CNOT10: variants seen among roughly 807,000 people sequenced by gnomAD.
The protein encoded by CNOT10 is CCR4-NOT transcription complex subunit 10, also known as CCR4-NOT transcription complex, subunit 10.
CNOT10 carries 30 observed loss-of-function variants against 94.6 expected under a neutral mutation model. The observed-to-expected ratio is 0.32, with a 90% CI of 0.24 to 0.43. The LOEUF is 0.43. Ranked by LOEUF, CNOT10 falls within the 20% of genes least tolerant of loss-of-function variation. The pLI, the probability that CNOT10 is intolerant of heterozygous loss-of-function variation, is 1.00. For missense variants in CNOT10, 759 were observed against 877.2 expected (o/e 0.87, Z 1.70); for synonymous variants, 289 against 301.6 (o/e 0.96, Z 0.43).
At position 32,726,694 on chromosome 3, in the gene CNOT10, C is replaced by CATAATA. The variant is rs55674577; in HGVS notation, c.1013-942_1013-937dup. 6.5e-3 allele frequency among the ~76,000 whole-genome samples: 917 copies of CATAATA among 141,760 alleles called. 6 individuals are homozygous for CATAATA. Among genetic ancestry groups the CATAATA allele is most frequent in the Middle Eastern group, 0.022 (6 of 278 alleles). The allele number at this position is 141,760 out of a possible 152,430, so 93.0% of individuals were successfully genotyped here. ...CTGGGTGACAGAGCGAGACTCTGTC[C>CATAATA]ATAATAATAATAATAATAATAATAA... On this transcript the variant is annotated intron_variant, in intron 9 of 18. Coordinates refer to ENST00000328834, the MANE Select transcript of CNOT10 (RefSeq NM_015442.3).
chr3:32,723,391 C>CA lies in CNOT10; in HGVS notation c.863-2045dup, dbSNP rs1192223954. Among the ~76,000 whole-genome samples, 432 of 80,096 alleles carry CA rather than the reference C, an allele frequency of 5.4e-3. 1 individual carries two copies. The highest frequency in any genetic ancestry group is 0.016 in the Middle Eastern group (2 of 126). 52.5% of individuals were successfully genotyped at this position (80,096 alleles called of 152,430 possible). The stretch of plus-strand genomic sequence containing the variant: ...TGGGCGACAGAGTGAGACTCCGTCT[C>CA]AAAAAAAAAAAAAAGAAAAGAGAAT... On this transcript the variant is annotated intron_variant, in intron 8 of 18. Transcript: ENST00000328834.
At chr3:32,716,056 C>T (rs983521338) in intron 5 of CNOT10, 169 bp from the exon 6 acceptor site, 1 of 451,822 alleles carries the variant, frequency 2.2e-6, no homozygotes, top group African/African-American at 2.0e-5. Context: ...ATCCGCCCGC[C>T]TCTGCCTTCC....
intron 13 of CNOT10, among the ~76,000 whole-genome samples, chr3:32,747,644 T>G (rs1699757790): frequency 6.6e-6 from 1 of 151,648 alleles, no homozygotes; most frequent in African/African-American, 2.4e-5. Context: ...GTCAGCCTCC[T>G]GGATAACTAA....
chr3:32,753,274 A>G (rs1700044549), intron 13 of CNOT10: 4 of 838,670 alleles, frequency 4.8e-6, no homozygotes, highest in East Asian at 2.5e-5. Context: ...AAAGATGTCA[A>G]GAAGCTCAGA....
At chr3:32,730,458 T>C (rs1698892686) in intron 10 of CNOT10, among the ~76,000 whole-genome samples, 1 of 152,114 alleles carries the variant, frequency 6.6e-6, no homozygotes, top group Admixed American at 6.5e-5. Context: ...CATAACTTCA[T>C]GAACACACAC....
Position 32,716,328 on chromosome 3 carries a change from AGGG to A in CNOT10, c.660+21_660+23del. The A allele has an allele frequency of 7.7e-7, 1 of 1,300,504 alleles. No individual in the cohort carries two copies. Among genetic ancestry groups the A allele is most frequent in the Non-Finnish European group, 1.1e-6 (1 of 906,412 alleles). The allele number at this position is 1,300,504 out of a possible 1,614,324, so 80.6% of individuals were successfully genotyped here. ...ATACATCAGGTAGTATAAATTTTAA[AGGG>A]GGGCAATACATCACATATATTTAAT... On this transcript the variant is annotated intron_variant, in intron 6 of 18. Coordinates refer to ENST00000328834, the MANE Select transcript of CNOT10 (RefSeq NM_015442.3).
rs571844356 is a variant in CNOT10 at position 32,762,704 on chromosome 3, T to A, written c.1710-29T>A. ...GGGTATTTTTGTGACGTTGTACTTT[T>A]CAGTTTGGAATCTGTTTTTTCATTT... is the stretch of plus-strand genomic sequence containing the variant. On this transcript the variant is annotated intron_variant, in intron 14 of 18. Transcript: ENST00000328834. The A allele has an allele frequency of 1.6e-5, 26 of 1,579,702 alleles. No individual in the cohort carries two copies. In the South Asian group the frequency reaches 3.0e-4, roughly 18 times the overall value.
intron 13 of CNOT10, 95 bp downstream of exon 13, chr3:32,737,585 G>A (rs574888406): frequency 2.8e-5 from 20 of 718,896 alleles, no homozygotes; most frequent in Middle Eastern, 6.0e-4. Flanking sequence ...AGCACTTTGG[G>A]AGGCCGAGGC....
At chr3:32,734,759 A>G (rs766377998) in intron 11 of CNOT10, 41 bp from the exon 12 acceptor site, 1 of 1,476,430 alleles carries the variant, frequency 6.8e-7, no homozygotes, top group South Asian at 1.3e-5. Context: ...TTATTTTAAA[A>G]TATTTTATCC....
chr3:32,766,947 G>A (rs1700672421), intron 17 of CNOT10, among the ~76,000 whole-genome samples: 1 of 152,166 alleles, frequency 6.6e-6, no homozygotes, highest in East Asian at 1.9e-4. Flanking sequence ...TCATCCAGCA[G>A]ATATCTGTTG....
intron 11 of CNOT10, 86 bp from the exon 12 acceptor site, chr3:32,734,714 A>G (rs1220010512): frequency 1.8e-6 from 2 of 1,103,986 alleles, no homozygotes; most frequent in East Asian, 2.4e-5. Context: ...TTTCATTTAT[A>G]ATCAATTGGT....
chr3:32,712,168 T>TG (rs1384141782), intron 4 of CNOT10, among the ~76,000 whole-genome samples: 5 of 151,776 alleles, frequency 3.3e-5, no homozygotes, highest in East Asian at 3.9e-4. Flanking sequence ...TGTTTGTTTT[T>TG]TTTTTTTTTC....
intron 13 of CNOT10, among the ~76,000 whole-genome samples, chr3:32,738,895 C>T (rs1363504576): frequency 1.3e-5 from 2 of 150,224 alleles, no homozygotes; most frequent in East Asian, 3.9e-4. Flanking sequence ...GCAGTTATAC[C>T]TCTATTTTCT....
At chr3:32,768,583 C>T (rs1320532934) in intron 17 of CNOT10, among the ~76,000 whole-genome samples, 2 of 146,846 alleles carry the variant, frequency 1.4e-5, no homozygotes, top group African/African-American at 2.6e-5. Context: ...AACTCCGTCT[C>T]AAAAAAAAAA....
intron 7 of CNOT10, among the ~76,000 whole-genome samples, chr3:32,717,497 A>G (rs553371772): frequency 3.3e-5 from 5 of 151,630 alleles, no homozygotes; most frequent in African/African-American, 9.7e-5. Context: ...TTTTTCTGTG[A>G]CTGGTTTATC....
intron 18 of CNOT10, 77 bp from the exon 19 acceptor site, chr3:32,773,380 G>A (rs1390426865): frequency 6.9e-7 from 1 of 1,439,326 alleles, no homozygotes; most frequent in Non-Finnish European, 9.4e-7. Flanking sequence ...TACCTCCCCA[G>A]CAGGATTTTC....
intron 1 of CNOT10, among the ~76,000 whole-genome samples, chr3:32,697,867 G>A (rs1051617285): frequency 6.6e-6 from 1 of 152,132 alleles, no homozygotes; most frequent in East Asian, 1.9e-4. Flanking sequence ...TATGAGAGAA[G>A]ACACATTTTT....
intron 13 of CNOT10, among the ~76,000 whole-genome samples, chr3:32,745,339 G>C (rs1047842773): frequency 6.6e-6 from 1 of 151,460 alleles, no homozygotes; most frequent in Non-Finnish European, 1.5e-5. Flanking sequence ...TTTATAGTTG[G>C]TTGAATCTAC....
At chr3:32,747,446 TA>T (rs1699748764) in intron 13 of CNOT10, among the ~76,000 whole-genome samples, 1 of 151,890 alleles carries the variant, frequency 6.6e-6, no homozygotes, top group African/African-American at 2.4e-5. Context: ...AATAAATAAA[TA>T]AAATAAAAAT....
Sources: gnomAD v4.1 joint callset for allele counts (sites outside exome capture counted in the v4.1 genomes callset) on GRCh38, gnomAD v4.1.1 for gene constraint, MANE v1.5 for transcripts, NCBI Gene and HGNC (gene_info 2026-07-23, HGNC 2026-07-21) for gene names.